The following SIPA1L2 variants were observed in gnomAD, a reference collection of about 807,000 sequenced individuals.
SIPA1L2 encodes the protein signal-induced proliferation-associated 1-like protein 2.
A neutral mutation model predicts 163.9 loss-of-function variants in SIPA1L2; 56 were observed. The observed-to-expected ratio is 0.34, with a 90% CI of 0.28 to 0.43. SIPA1L2 has a LOEUF of 0.43. Ranked by LOEUF, SIPA1L2 falls within the 20% of genes least tolerant of loss-of-function variation. The pLI, the probability that SIPA1L2 is intolerant of heterozygous loss-of-function variation, is 1.00. For missense variants in SIPA1L2, 1,974 were observed against 2,193.5 expected (o/e 0.90, Z 2.00); for synonymous variants, 877 against 865.7 (o/e 1.01, Z -0.23).
chr1:232,498,642 A>G (rs762615960), intron 3 of SIPA1L2, among the ~76,000 whole-genome samples: 25 of 152,270 alleles, frequency 1.6e-4, no homozygotes, highest in Non-Finnish European at 2.9e-4. Flanking sequence ...TTCTTGGCTC[A>G]TGGCCCTTCC....
intron 15 of SIPA1L2, among the ~76,000 whole-genome samples, chr1:232,433,205 A>G (rs1203783263): frequency 6.6e-6 from 1 of 152,244 alleles, no homozygotes; most frequent in Non-Finnish European, 1.5e-5. Context: ...GAATACACGG[A>G]ATACTCTACG....
At chr1:232,626,744 G>A (rs1287485244) in intron 1 of SIPA1L2, among the ~76,000 whole-genome samples, 3 of 152,136 alleles carry the variant, frequency 2.0e-5, no homozygotes, top group African/African-American at 7.2e-5. Flanking sequence ...GCAAAGAAAT[G>A]ACATAATCAT....
Position 232,439,478 on chromosome 1 carries a change from A to G in SIPA1L2, c.3661T>C (p.Ser1221Pro), listed in dbSNP as rs1572898990. Residue 1221 changes from serine (S) to proline (P), a missense_variant, in exon 15 of 23, where the codon TCC becomes CCC. Coordinates refer to ENST00000674635, the MANE Select transcript of SIPA1L2 (RefSeq NM_020808.5). Reference protein sequence around the residue: ...KLSHIGDKSCSSHSSSNTLSS... With the variant: ...KLSHIGDKSCPSHSSSNTLSS... ...AGCGTGTTGCTGCTGGAGTGACTGG[A>G]GCAACTTTTATCCCCAATCTTCAGA... The G allele has an allele frequency of 6.2e-7, 1 of 1,612,634 alleles. No homozygotes were observed. Among genetic ancestry groups the G allele is most frequent in the Non-Finnish European group, 8.5e-7 (1 of 1,178,890 alleles).
chr1:232,427,818 T>G (rs1035315107), intron 17 of SIPA1L2, among the ~76,000 whole-genome samples: 4 of 152,194 alleles, frequency 2.6e-5, no homozygotes, highest in African/African-American at 7.2e-5. Flanking sequence ...TATCTCTAAA[T>G]GGCAGTGTGC....
intron 1 of SIPA1L2, among the ~76,000 whole-genome samples, chr1:232,614,971 A>G (rs2102879904): frequency 6.6e-6 from 1 of 152,358 alleles, no homozygotes; most frequent in African/African-American, 2.4e-5. Flanking sequence ...CCCTTAACTT[A>G]GAGCAAACAA....
chr1:232,595,858 G>A (rs1396875628), intron 1 of SIPA1L2, among the ~76,000 whole-genome samples: 2 of 152,138 alleles, frequency 1.3e-5, no homozygotes, highest in African/African-American at 4.8e-5. Context: ...GGAATAGATG[G>A]AAATCATCTT....
chr1:232,430,686 G>A (rs1191898429), intron 16 of SIPA1L2, among the ~76,000 whole-genome samples: 1 of 152,182 alleles, frequency 6.6e-6, no homozygotes, highest in Non-Finnish European at 1.5e-5. Context: ...AGGATGAGCC[G>A]GCACACTGAC....
At chr1:232,526,523 A>G (rs1468807858) in intron 2 of SIPA1L2, among the ~76,000 whole-genome samples, 1 of 152,174 alleles carries the variant, frequency 6.6e-6, no homozygotes. Context: ...TGAGAATCTA[A>G]TGCTGCAGTT....
intron 15 of SIPA1L2, among the ~76,000 whole-genome samples, chr1:232,437,162 G>A (rs1662613935): frequency 6.6e-6 from 1 of 152,104 alleles, no homozygotes. Context: ...GTACTCTGAA[G>A]GCAGTCTCCA....
intron 1 of SIPA1L2, among the ~76,000 whole-genome samples, chr1:232,619,683 G>T (rs978394168): frequency 2.6e-5 from 4 of 152,128 alleles, no homozygotes; most frequent in African/African-American, 9.7e-5. Context: ...CACACCCTAG[G>T]GTGCCCCTGT....
At position 232,491,007 on chromosome 1, in the gene SIPA1L2, T is replaced by C. The variant is rs1459198287; in HGVS notation, c.1673A>G (p.His558Arg). The C allele has an allele frequency of 1.9e-6, 3 of 1,614,150 alleles. No individual in the cohort carries two copies. Among genetic ancestry groups the C allele is most frequent in the African/African-American group, 1.3e-5 (1 of 75,060 alleles). ...LEDAIPSTAR[H>R]GTARGLPLKE... Reference sequence around the variant, plus strand: ...GAGAGGTAGTCCTCGTGCGGTACCATGCCTAGCAGTAGAGGGTATAGCATC... The same window carrying C: ...GAGAGGTAGTCCTCGTGCGGTACCACGCCTAGCAGTAGAGGGTATAGCATC... The change falls in exon 5 of 23, where the codon CAT becomes CGT. Residue 558 changes from histidine to arginine, a missense_variant. By Grantham distance (29) the His-to-Arg change is conservative. This residue lies in a region of SIPA1L2 where 288 missense variants were observed against 418.9 expected (regional missense o/e 0.69). Coordinates refer to ENST00000674635, the MANE Select transcript of SIPA1L2 (RefSeq NM_020808.5).
At position 232,605,557 on chromosome 1, in the gene SIPA1L2, G is replaced by A. The variant is rs140034360; in HGVS notation, c.-319+24312C>T. Among the ~76,000 whole-genome samples the A allele has an allele frequency of 5.4e-3, 823 of 152,296 alleles. 11 individuals carry two copies. The highest frequency in any genetic ancestry group is 0.019 in the African/African-American group (780 of 41,546). ...TAAAAATACAAAATTAGCCGGGCAT[G>A]GTGGCGGGTGCCTGTAATCCCAGCT... On this transcript the variant is annotated intron_variant, in intron 1 of 22. Transcript: ENST00000674635.
At chr1:232,497,601 C>T (rs1666262964) in intron 3 of SIPA1L2, among the ~76,000 whole-genome samples, 1 of 152,172 alleles carries the variant, frequency 6.6e-6, no homozygotes, top group Non-Finnish European at 1.5e-5. Flanking sequence ...TCCAGGTCTC[C>T]TCCTGCCAGA....
rs12562370 is a variant in SIPA1L2 at position 232,415,858 on chromosome 1, C to T, written c.4631-233G>A. The T allele has an allele frequency of 0.022, 8,320 of 373,820 alleles. 1,275 individuals are homozygous for T. In the East Asian group the frequency reaches 0.38, roughly 17 times the overall value. 23.2% of individuals were successfully genotyped at this position (373,820 alleles called of 1,614,324 possible). A position where few individuals can be genotyped will look rare whatever the true frequency, so the allele number is the denominator to read the frequency against. On this transcript the variant is annotated intron_variant, in intron 18 of 22. Coordinates refer to ENST00000674635, the MANE Select transcript of SIPA1L2 (RefSeq NM_020808.5). Reference sequence around the variant, plus strand: ...CCAGAGTCAGTCAGAACACGGGCACCACTGTCCCTCCCAGAGTCAGTCAGA... The same window carrying T: ...CCAGAGTCAGTCAGAACACGGGCACTACTGTCCCTCCCAGAGTCAGTCAGA...
rs1185786183 is a variant in SIPA1L2, at chr1:232,513,973, G to T, written c.1367C>A (p.Ser456Tyr). The change falls in exon 3 of 23, where the codon TCC becomes TAC. Residue 456 changes from serine to tyrosine, a missense_variant. Around this residue, in one of 3 missense-constraint regions of SIPA1L2, gnomAD observed 607 missense variants for 624.0 expected, o/e 0.97. Coordinates refer to ENST00000674635, the MANE Select transcript of SIPA1L2 (RefSeq NM_020808.5). Reference sequence around the variant, plus strand: ...GTTTTCTCTGGGCACTTCCAAGACGGAGACACCTGCATTTGTGCAGTGAGA... The same window carrying T: ...GTTTTCTCTGGGCACTTCCAAGACGTAGACACCTGCATTTGTGCAGTGAGA... The part of the protein sequence containing the change: ...LSSHCTNAGV[S>Y]VLEVPRENQP... The T allele has an allele frequency of 6.2e-7, 1 of 1,614,062 alleles. No homozygotes were observed. Among genetic ancestry groups the T allele is most frequent in the South Asian group, 1.1e-5 (1 of 91,080 alleles).
intron 5 of SIPA1L2, among the ~76,000 whole-genome samples, chr1:232,486,302 C>G (rs1018322509): frequency 6.6e-6 from 1 of 152,180 alleles, no homozygotes; most frequent in African/African-American, 2.4e-5. Flanking sequence ...GGCCAAACAA[C>G]TGGACAACTG....
chr1:232,560,174 G>A (rs1658951931), intron 2 of SIPA1L2, among the ~76,000 whole-genome samples: 1 of 152,184 alleles, frequency 6.6e-6, no homozygotes, highest in South Asian at 2.1e-4. Context: ...AGTTTTCCCT[G>A]TGAGCTGGTG....
intron 7 of SIPA1L2, among the ~76,000 whole-genome samples, chr1:232,474,582 T>A (rs1664946864): frequency 6.6e-6 from 1 of 152,214 alleles, no homozygotes; most frequent in Non-Finnish European, 1.5e-5. Context: ...AGCAGCAATT[T>A]ATTGTGTATT....
chr1:232,540,740 A>C (rs764973139), intron 2 of SIPA1L2, among the ~76,000 whole-genome samples: 1 of 152,158 alleles, frequency 6.6e-6, no homozygotes, highest in Non-Finnish European at 1.5e-5. Flanking sequence ...AGAGAGAGAA[A>C]GGAAAGAATA....
Sources: gnomAD v4.1 joint callset for allele counts (sites outside exome capture counted in the v4.1 genomes callset) on GRCh38, gnomAD v4.1.1 for gene constraint, gnomAD v4.1.1 regional missense constraint, MANE v1.5 for transcripts, NCBI Gene and HGNC (gene_info 2026-07-23, HGNC 2026-07-21) for gene names.